KCNN2: variants seen among roughly 807,000 people sequenced by gnomAD.
The protein encoded by KCNN2 is potassium calcium-activated channel subfamily N member 2.
A neutral mutation model predicts 55.5 loss-of-function variants in KCNN2; 24 were observed. The observed-to-expected ratio is 0.43, with a 90% CI of 0.31 to 0.61. KCNN2 has a LOEUF of 0.61. Among genes scored for constraint, KCNN2 ranks in the 20% least tolerant of loss-of-function variants. The pLI, the probability that KCNN2 is intolerant of heterozygous loss-of-function variation, is 0.08. For missense variants in KCNN2, 754 were observed against 853.6 expected, an observed-to-expected ratio of 0.88 and a Z score of 1.45; for synonymous variants, 431 against 336.1, an observed-to-expected ratio of 1.28 and a Z score of -3.09.
intron 2 of KCNN2, among the ~76,000 whole-genome samples, chr5:114,400,757 A>T (rs1010619332): frequency 6.6e-6 from 1 of 152,108 alleles, no homozygotes; most frequent in African/African-American, 2.4e-5. Flanking sequence ...TCCTGTGCCT[A>T]GAATATTATT....
At chr5:114,415,136 G>C (rs1759266475) in intron 3 of KCNN2, among the ~76,000 whole-genome samples, 1 of 152,192 alleles carries the variant, frequency 6.6e-6, no homozygotes, top group African/African-American at 2.4e-5. Context: ...CTATGTTGTA[G>C]TATGTATTGA....
In KCNN2 at chr5:114,486,505, C is replaced by A. The variant is rs531887410; in HGVS notation, c.1891-545C>A. 5.3e-4 allele frequency among the ~76,000 whole-genome samples: 81 copies of A among 152,268 alleles called. 2 individuals carry two copies. The South Asian group carries it at 0.017, about 31-fold the overall frequency. ...ATTTCCAACAAAATCATAACGTAGACTCCGTCAGTTAATTAAAGTATACTA... is the reference window on the plus strand; with the variant it reads ...ATTTCCAACAAAATCATAACGTAGAATCCGTCAGTTAATTAAAGTATACTA... On this transcript the variant is annotated intron_variant, in intron 5 of 7. Coordinates refer to ENST00000673685, the MANE Select transcript of KCNN2 (RefSeq NM_021614.4).
chr5:114,133,986 A>T (rs1403664151), intron 1 of KCNN2, among the ~76,000 whole-genome samples: 1 of 152,202 alleles, frequency 6.6e-6, no homozygotes, highest in Admixed American at 6.5e-5. Flanking sequence ...CTAATTATAC[A>T]ATTATATTGC....
chr5:114,153,508 A>G (rs757619763), intron 1 of KCNN2, among the ~76,000 whole-genome samples: 2 of 152,280 alleles, frequency 1.3e-5, no homozygotes, highest in East Asian at 3.9e-4. Flanking sequence ...AAACTGTATC[A>G]CTTACAGCAA....
chr5:114,352,731 A>C (rs1365451073), intron 2 of KCNN2, among the ~76,000 whole-genome samples: 2 of 151,912 alleles, frequency 1.3e-5, no homozygotes, highest in Admixed American at 6.6e-5. Context: ...TGAATTTCCC[A>C]AAATTTTAAA....
In KCNN2 at chr5:114,241,796, A is replaced by ATGTG. The variant is rs1294260691; in HGVS notation, c.-185+20232_-185+20233insGTGT. ...TATACATATATACGTATATATATGT[A>ATGTG]TATATATACGTATATATATATATGT... On this transcript the variant is annotated intron_variant, in intron 2 of 10. Transcript: ENST00000512097. 5.4e-3 allele frequency among the ~76,000 whole-genome samples: 132 copies of ATGTG among 24,342 alleles called. 30 individuals carry two copies. The highest frequency in any genetic ancestry group is 0.045 in the Middle Eastern group (2 of 44). The allele number at this position is 24,342 out of a possible 152,430, so 16.0% of individuals were successfully genotyped here. A position where few individuals can be genotyped will look rare whatever the true frequency, so the allele number is the denominator to read the frequency against.
intron 1 of KCNN2, among the ~76,000 whole-genome samples, chr5:114,080,363 A>G (rs771453297): frequency 2.6e-5 from 4 of 152,202 alleles, no homozygotes; most frequent in Non-Finnish European, 5.9e-5. Context: ...TTCTGAAAGA[A>G]TTTGTTTGAG....
chr5:114,337,641 T>C (rs1182350674), intron 2 of KCNN2, among the ~76,000 whole-genome samples: 2 of 152,212 alleles, frequency 1.3e-5, no homozygotes, highest in African/African-American at 2.4e-5. Flanking sequence ...TGCCACAAGC[T>C]GGCTGATTTG....
At chr5:114,210,168 T>G (rs774678660) in intron 1 of KCNN2, among the ~76,000 whole-genome samples, 11 of 152,170 alleles carry the variant, frequency 7.2e-5, no homozygotes, top group Non-Finnish European at 1.2e-4. Context: ...CCAAGCCTAG[T>G]GTTCCTAAGG....
intron 4 of KCNN2, among the ~76,000 whole-genome samples, chr5:114,467,065 G>T (rs1160594543): frequency 6.6e-6 from 1 of 152,084 alleles, no homozygotes; most frequent in African/African-American, 2.4e-5. Context: ...TCCTTTCCAC[G>T]TTAAATTTGC....
At chr5:114,154,981 A>C (rs543035272) in intron 1 of KCNN2, among the ~76,000 whole-genome samples, 1 of 152,102 alleles carries the variant, frequency 6.6e-6, no homozygotes, top group African/African-American at 2.4e-5. Flanking sequence ...TTATTTCATC[A>C]CCCAGGTATT....
intron 1 of KCNN2, among the ~76,000 whole-genome samples, chr5:114,160,780 A>G (rs1449099571): frequency 1.3e-5 from 2 of 149,548 alleles, no homozygotes; most frequent in African/African-American, 2.6e-5. Context: ...GTCTCTTTTG[A>G]TCTTTGTTGG....
At chr5:114,287,003 A>G (rs1434831158) in intron 2 of KCNN2, among the ~76,000 whole-genome samples, 2 of 152,222 alleles carry the variant, frequency 1.3e-5, no homozygotes, top group Non-Finnish European at 2.9e-5. Flanking sequence ...AAAATGTTAT[A>G]TCACTTGTCT....
chr5:114,106,346 G>A (rs531818415), intron 1 of KCNN2, among the ~76,000 whole-genome samples: 2 of 151,490 alleles, frequency 1.3e-5, no homozygotes, highest in African/African-American at 4.8e-5. Context: ...TACATTCATT[G>A]CTATGGTATA....
At chr5:114,332,010 A>G (rs1342147948) in intron 2 of KCNN2, among the ~76,000 whole-genome samples, 1 of 152,230 alleles carries the variant, frequency 6.6e-6, no homozygotes, top group Non-Finnish European at 1.5e-5. Flanking sequence ...ACAAAAGATA[A>G]AAACCAAAAG....
intron 2 of KCNN2, among the ~76,000 whole-genome samples, chr5:114,294,291 T>C (rs577075311): frequency 6.6e-6 from 1 of 152,256 alleles, no homozygotes; most frequent in South Asian, 2.1e-4. Flanking sequence ...TGTTAGGGTG[T>C]CAATTTTGGA....
chr5:114,117,080 A>C (rs927684215), intron 1 of KCNN2, among the ~76,000 whole-genome samples: 1 of 152,284 alleles, frequency 6.6e-6, no homozygotes, highest in African/African-American at 2.4e-5. Flanking sequence ...AGAAAACATA[A>C]GCAGAGAGCC....
intron 1 of KCNN2, among the ~76,000 whole-genome samples, chr5:114,074,953 A>G (rs1056221918): frequency 6.6e-6 from 1 of 152,212 alleles, no homozygotes; most frequent in African/African-American, 2.4e-5. Context: ...TGTAAAAGTT[A>G]TGGGTGTACA....
At chr5:114,471,117 AG>A (rs1761714485) in intron 4 of KCNN2, among the ~76,000 whole-genome samples, 1 of 152,232 alleles carries the variant, frequency 6.6e-6, no homozygotes, top group East Asian at 1.9e-4. Flanking sequence ...TTTGAAATAC[AG>A]TGCTTCATAA....
Sources: allele counts gnomAD v4.1 joint callset (sites outside exome capture counted in the v4.1 genomes callset), GRCh38; gene constraint gnomAD v4.1.1; transcripts MANE v1.5; gene names NCBI Gene and HGNC (gene_info 2026-07-23, HGNC 2026-07-21).